The following DLG2 variants were observed in gnomAD, a reference collection of about 807,000 sequenced individuals.
The protein encoded by DLG2 is disks large homolog 2.
Under a neutral mutation model 132.5 loss-of-function variants are expected in DLG2, and 45 were observed. That is an observed-to-expected ratio of 0.34 (90% confidence interval 0.27 to 0.44). DLG2 has a LOEUF of 0.44. DLG2 is among the 20% of genes least tolerant of loss of function. DLG2 has a pLI of 1.00. For missense variants in DLG2, 1,045 were observed against 1,196.9 expected (o/e 0.87, Z 1.87); for synonymous variants, 424 against 419.6 (o/e 1.01, Z -0.13).
At chr11:85,422,961 G>T (rs373784663) in intron 3 of DLG2, among the ~76,000 whole-genome samples, 1 of 71,750 alleles carries the variant, frequency 1.4e-5, no homozygotes, top group Admixed American at 1.3e-4. Context: ...ATTTCTTCTT[G>T]GTTTGGGTCC....
At chr11:85,342,693 C>T (rs573037853) in intron 3 of DLG2, among the ~76,000 whole-genome samples, 38 of 152,236 alleles carry the variant, frequency 2.5e-4, no homozygotes, top group African/African-American at 7.7e-4. Context: ...ACTGGCAGCA[C>T]GGTAGGTTTG....
intron 6 of DLG2, among the ~76,000 whole-genome samples, chr11:84,974,960 G>C (rs561655736): frequency 6.6e-6 from 1 of 152,168 alleles, no homozygotes; most frequent in Non-Finnish European, 1.5e-5. Context: ...AGTGTGAGAG[G>C]TGTGTCAGAT....
intron 11 of DLG2, among the ~76,000 whole-genome samples, chr11:84,053,748 A>T (rs2096446712): frequency 6.6e-6 from 1 of 151,978 alleles, no homozygotes; most frequent in Admixed American, 6.6e-5. Context: ...GAACTTCTTC[A>T]TTACATATGT....
intron 6 of DLG2, among the ~76,000 whole-genome samples, chr11:84,688,638 T>A (rs995517461): frequency 6.6e-6 from 1 of 152,194 alleles, no homozygotes. Flanking sequence ...TGGGGAAGTG[T>A]CAAGGTGTAT....
rs181609041 is a variant in DLG2 at position 85,127,021 on chromosome 11, A to G, written c.283-15286T>C. ...TCAAATCAGGGGGATGAAATGGGAA[A>G]GAAGTCTGGGCAAGCTGGGATTTGG... is the stretch of plus-strand genomic sequence containing the variant. On this transcript the variant is annotated intron_variant, in intron 5 of 27. Coordinates refer to ENST00000376104, the MANE Select transcript of DLG2 (RefSeq NM_001142699.3). Among the ~76,000 whole-genome samples, 6 of 152,316 alleles carry G rather than the reference A, an allele frequency of 3.9e-5. No individual in the cohort carries two copies. In the East Asian group the frequency reaches 1.2e-3, roughly 29 times the overall value.
chr11:83,996,224 C>A (rs368421103), intron 11 of DLG2, among the ~76,000 whole-genome samples: 33 of 152,058 alleles, frequency 2.2e-4, no homozygotes, highest in African/African-American at 8.0e-4. Context: ...ATGAAAGGTG[C>A]TCAACATCAT....
intron 7 of DLG2, among the ~76,000 whole-genome samples, chr11:84,379,718 T>C (rs1486341182): frequency 1.3e-5 from 2 of 151,968 alleles, no homozygotes; most frequent in Admixed American, 1.3e-4. Flanking sequence ...TTATTGAAAG[T>C]ATCTTGCCAG....
intron 11 of DLG2, among the ~76,000 whole-genome samples, chr11:83,990,264 C>T (rs1268602691): frequency 4.6e-5 from 7 of 152,070 alleles, no homozygotes; most frequent in Non-Finnish European, 8.8e-5. Flanking sequence ...AATCACTTGA[C>T]GCACATACAG....
intron 2 of DLG2, among the ~76,000 whole-genome samples, chr11:85,599,404 A>G (rs183573159): frequency 6.1e-4 from 92 of 149,898 alleles, no homozygotes; most frequent in African/African-American, 2.2e-3. Context: ...CTTTGCTCCT[A>G]CTGTTCTCTG....
At chr11:85,118,217 G>C in intron 5 of DLG2, among the ~76,000 whole-genome samples, 1 of 152,070 alleles carries the variant, frequency 6.6e-6, no homozygotes, top group Non-Finnish European at 1.5e-5. Context: ...AGCCATGCTG[G>C]GGAGTCATGA....
At chr11:84,248,256 C>T (rs529907981) in intron 8 of DLG2, among the ~76,000 whole-genome samples, 9 of 151,904 alleles carry the variant, frequency 5.9e-5, no homozygotes, top group African/African-American at 9.7e-5. Flanking sequence ...TTTTCTACAT[C>T]GGGGAAGGTA....
chr11:85,549,476 T>C (rs541845963), intron 3 of DLG2, among the ~76,000 whole-genome samples: 1 of 152,202 alleles, frequency 6.6e-6, no homozygotes, highest in Non-Finnish European at 1.5e-5. Flanking sequence ...AATGTCTAAA[T>C]ATTTCCCAAT....
chr11:85,520,493 T>C (rs565348833), intron 3 of DLG2, among the ~76,000 whole-genome samples: 1 of 143,552 alleles, frequency 7.0e-6, no homozygotes, highest in Non-Finnish European at 1.5e-5. Flanking sequence ...CAGAAAAAAA[T>C]AGTCCTAAAA....
At chr11:83,709,329 AT>A (rs1406919748) in intron 18 of DLG2, among the ~76,000 whole-genome samples, 2 of 148,006 alleles carry the variant, frequency 1.4e-5, no homozygotes, top group African/African-American at 2.5e-5. Flanking sequence ...AGTTATATAT[AT>A]TATATATACA....
intron 6 of DLG2, among the ~76,000 whole-genome samples, chr11:84,927,801 A>G (rs181174514): frequency 1.3e-5 from 2 of 152,096 alleles, no homozygotes; most frequent in Non-Finnish European, 2.9e-5. Context: ...TTTTTTCTCT[A>G]AAGTCTAGAG....
chr11:83,508,211 C>A (rs2139675221), intron 21 of DLG2, among the ~76,000 whole-genome samples: 1 of 151,666 alleles, frequency 6.6e-6, no homozygotes, highest in East Asian at 1.9e-4. Flanking sequence ...TTTGATAACT[C>A]AAATTGTGTC....
chr11:85,492,278 C>T (rs78345128), intron 3 of DLG2, among the ~76,000 whole-genome samples: 7,459 of 152,206 alleles, frequency 0.049, 593 homozygotes, highest in African/African-American at 0.17. Context: ...ATGGCAAAAA[C>T]CGCAATTACT....
At chr11:84,411,448 T>C (rs780982456) in intron 7 of DLG2, among the ~76,000 whole-genome samples, 6 of 152,172 alleles carry the variant, frequency 3.9e-5, no homozygotes, top group Non-Finnish European at 8.8e-5. Context: ...ACAAGTAAAA[T>C]TGAAATCAAT....
At chr11:85,053,543 C>T (rs2063117864) in intron 6 of DLG2, among the ~76,000 whole-genome samples, 1 of 150,172 alleles carries the variant, frequency 6.7e-6, no homozygotes, top group South Asian at 2.1e-4. Flanking sequence ...AATCCCAGCA[C>T]TTTGGGAGGC....
Sources: gnomAD v4.1 joint callset for allele counts (sites outside exome capture counted in the v4.1 genomes callset) on GRCh38, gnomAD v4.1.1 for gene constraint, MANE v1.5 for transcripts, NCBI Gene and HGNC (gene_info 2026-07-23, HGNC 2026-07-21) for gene names.